MCCC2: variants seen among roughly 807,000 people sequenced by gnomAD.
MCCC2 encodes methylcrotonoyl-CoA carboxylase beta chain, mitochondrial.
In MCCC2, 52 loss-of-function variants were observed where a neutral mutation model predicts 77.2. The ratio of observed to expected loss-of-function variants is 0.67; its 90% CI spans 0.54 to 0.85. The LOEUF (loss-of-function observed/expected upper bound fraction) is 0.85. MCCC2 is among the 40% of genes least tolerant of loss of function. The probability of loss-of-function intolerance (pLI) is 0.00; values close to 1 mark genes in which losing one functional copy is unlikely to be tolerated. For synonymous variants in MCCC2, 253 were observed against 248.4 expected, an observed-to-expected ratio of 1.02 and a Z score of -0.18; for missense variants, 682 against 703.2, an observed-to-expected ratio of 0.97 and a Z score of 0.34.
intron 13 of MCCC2, among the ~76,000 whole-genome samples, chr5:71,646,979 G>C (rs1008567960): frequency 1.3e-5 from 2 of 152,190 alleles, no homozygotes; most frequent in Non-Finnish European, 2.9e-5. Flanking sequence ...AGAATGGTAT[G>C]ACCAAAGTGA....
intron 6 of MCCC2, among the ~76,000 whole-genome samples, chr5:71,625,235 G>A (rs914350063): frequency 6.6e-6 from 1 of 152,036 alleles, no homozygotes; most frequent in African/African-American, 2.4e-5. Flanking sequence ...ATTTCTTTTT[G>A]GATACTGAAA....
At chr5:71,613,633 G>A (rs1174017006) in intron 6 of MCCC2, among the ~76,000 whole-genome samples, 3 of 152,142 alleles carry the variant, frequency 2.0e-5, no homozygotes, top group Non-Finnish European at 4.4e-5. Context: ...CTGTTTGGGA[G>A]GCTGAAGCAG....
chr5:71,611,235 T>C (rs956336082), intron 6 of MCCC2, among the ~76,000 whole-genome samples: 1 of 151,940 alleles, frequency 6.6e-6, no homozygotes, highest in Non-Finnish European at 1.5e-5. Flanking sequence ...ACCCTGTCTC[T>C]ACAAAAAAAT....
chr5:71,642,406 GC>G (rs1398214463), intron 11 of MCCC2, among the ~76,000 whole-genome samples: 1 of 152,208 alleles, frequency 6.6e-6, no homozygotes. Flanking sequence ...ACCATGTGTA[GC>G]CTCTAGTCGT....
intron 16 of MCCC2, among the ~76,000 whole-genome samples, chr5:71,654,171 A>AT (rs1747519585): frequency 1.3e-5 from 2 of 151,828 alleles, no homozygotes; most frequent in Non-Finnish European, 2.9e-5. Context: ...ATTTTTTTGT[A>AT]TTTTTTGTAG....
chr5:71,601,023 G>T (rs554850553), intron 4 of MCCC2, among the ~76,000 whole-genome samples: 26 of 152,334 alleles, frequency 1.7e-4, no homozygotes, highest in African/African-American at 6.0e-4. Flanking sequence ...TTTAAGGCAG[G>T]CTCTGGGGTC....
Position 71,617,612 on chromosome 5 carries a change from T to C in MCCC2, c.625-9028T>C, listed in dbSNP as rs115539739. ...TTGTTTTGTTGTTTATTTAAGACTT[T>C]GGTTTAGACAGACTGATAAAACAAT... On this transcript the variant is annotated intron_variant, in intron 6 of 16. Transcript: ENST00000340941. Among the ~76,000 whole-genome samples the C allele has an allele frequency of 1.0e-2, 1,523 of 152,350 alleles. 27 individuals are homozygous for C. The highest frequency in any genetic ancestry group is 0.034 in the African/African-American group (1,427 of 41,586).
chr5:71,610,837 T>G (rs1745906806), intron 6 of MCCC2, among the ~76,000 whole-genome samples: 2 of 151,706 alleles, frequency 1.3e-5, no homozygotes, highest in Non-Finnish European at 2.9e-5. Flanking sequence ...ATACAAAAAA[T>G]TAGCTGGGCG....
chr5:71,625,573 G>A, intron 6 of MCCC2, among the ~76,000 whole-genome samples: 1 of 152,170 alleles, frequency 6.6e-6, no homozygotes, highest in Non-Finnish European at 1.5e-5. Flanking sequence ...GTTTCCCTGT[G>A]CTCATAGGCA....
chr5:71,596,855 G>A (rs983891279), intron 3 of MCCC2, among the ~76,000 whole-genome samples: 4 of 151,988 alleles, frequency 2.6e-5, no homozygotes, highest in South Asian at 2.1e-4. Flanking sequence ...CAGGAGAGTC[G>A]CTCGAACCCC....
rs879516651 is a variant in MCCC2, at chr5:71,634,673, GTTC to G, written c.804-267_804-265del. 5.6e-4 allele frequency among the ~76,000 whole-genome samples: 86 copies of G among 152,282 alleles called. 1 individual carries two copies. The highest frequency in any genetic ancestry group is 2.9e-3 in the Admixed American group (45 of 15,282). The stretch of plus-strand genomic sequence containing the variant: ...TAAGGTTAGAAAATAGAAGGCGGGG[GTTC>G]TTATGTAGCTACTTGTGGTCTTAGG... On this transcript the variant is annotated intron_variant, in intron 8 of 16. Coordinates refer to ENST00000340941, the MANE Select transcript of MCCC2 (RefSeq NM_022132.5).
chr5:71,631,676 G>T lies in MCCC2; in HGVS notation c.739-445G>T, dbSNP rs13163829. Among the ~76,000 whole-genome samples the T allele has an allele frequency of 9.8e-3, 1,496 of 152,068 alleles. 10 individuals carry two copies. Among genetic ancestry groups the T allele is most frequent in the Non-Finnish European group, 0.016 (1,105 of 67,952 alleles). ...CTGCCTCAGCCTCCCGAGTAGCTGGGACTACAGGCGCCCGCCACCGCGCCC... is the reference window on the plus strand; with the variant it reads ...CTGCCTCAGCCTCCCGAGTAGCTGGTACTACAGGCGCCCGCCACCGCGCCC... On this transcript the variant is annotated intron_variant, in intron 7 of 16. Transcript: ENST00000340941.
chr5:71,589,258 A>G (rs1191158357), intron 1 of MCCC2, among the ~76,000 whole-genome samples: 1 of 152,244 alleles, frequency 6.6e-6, no homozygotes, highest in African/African-American at 2.4e-5. Flanking sequence ...TGGGTTTTGT[A>G]TGAATCACCT....
At chr5:71,632,066 C>T in intron 7 of MCCC2, 55 bp from the exon 8 acceptor site, 2 of 1,500,300 alleles carry the variant, frequency 1.3e-6, no homozygotes, top group Non-Finnish European at 1.9e-6. Context: ...GTTGGGGAAG[C>T]ATTTTTATAT....
chr5:71,596,369 G>A lies in MCCC2; in HGVS notation c.281+5G>A, dbSNP rs944539388. On this transcript the variant is annotated splice_donor_5th_base_variant and intron_variant, in intron 3 of 16. Coordinates refer to ENST00000340941, the MANE Select transcript of MCCC2 (RefSeq NM_022132.5). ...TGACAATCTCATAGACCCAGGGTGC[G>A]TACATAGCCAAGTACTGACTCAGAG... is the stretch of plus-strand genomic sequence containing the variant. The A allele has an allele frequency of 9.9e-6, 16 of 1,611,418 alleles. No homozygotes were observed. Among genetic ancestry groups the A allele is most frequent in the African/African-American group, 1.3e-5 (1 of 74,814 alleles).
intron 10 of MCCC2, among the ~76,000 whole-genome samples, chr5:71,637,975 G>A (rs1746988316): frequency 6.6e-6 from 1 of 151,906 alleles, no homozygotes; most frequent in African/African-American, 2.4e-5. Flanking sequence ...GCCTCCCAAA[G>A]TGCTGGGATT....
intron 2 of MCCC2, among the ~76,000 whole-genome samples, chr5:71,595,486 T>C (rs1055235191): frequency 2.7e-5 from 4 of 150,278 alleles, no homozygotes; most frequent in Admixed American, 6.6e-5. Context: ...TTTTCTTGCC[T>C]AAATAAACAA....
intron 7 of MCCC2, among the ~76,000 whole-genome samples, chr5:71,627,389 A>C (rs962003668): frequency 6.6e-6 from 1 of 152,040 alleles, no homozygotes; most frequent in Non-Finnish European, 1.5e-5. Flanking sequence ...ATGGAATTCT[A>C]TGTTTACTTT....
chr5:71,623,347 G>A lies in MCCC2; in HGVS notation c.625-3293G>A, dbSNP rs796613284. On this transcript the variant is annotated intron_variant, in intron 6 of 16. Coordinates refer to ENST00000340941, the MANE Select transcript of MCCC2 (RefSeq NM_022132.5). Reference sequence around the variant, plus strand: ...TGCAGTCATCTCGGAGCTTGACTAGGAAGGACCCACTTCCTGGCTCACTCC... The same window carrying A: ...TGCAGTCATCTCGGAGCTTGACTAGAAAGGACCCACTTCCTGGCTCACTCC... Among the ~76,000 whole-genome samples the A allele has an allele frequency of 4.1e-4, 63 of 152,286 alleles. 1 individual carries two copies. The highest frequency in any genetic ancestry group is 1.5e-3 in the African/African-American group (62 of 41,562).
Sources: gnomAD v4.1 joint callset for allele counts (sites outside exome capture counted in the v4.1 genomes callset) on GRCh38, gnomAD v4.1.1 for gene constraint, MANE v1.5 for transcripts, NCBI Gene and HGNC (gene_info 2026-07-23, HGNC 2026-07-21) for gene names.